Variants in IGHMBP2 observed in about 807,000 individuals in gnomAD.
The protein encoded by IGHMBP2 is DNA-binding protein SMUBP-2.
IGHMBP2 carries 81 observed loss-of-function variants against 96.0 expected under a neutral mutation model. The observed-to-expected ratio is 0.84, with a 90% CI of 0.71 to 1.01. The LOEUF (loss-of-function observed/expected upper bound fraction) is 1.01. IGHMBP2 is among the 50% of genes least tolerant of loss of function. The pLI, the probability that IGHMBP2 is intolerant of heterozygous loss-of-function variation, is 0.00. For missense variants in IGHMBP2, 1,227 were observed against 1,306.3 expected, an observed-to-expected ratio of 0.94 and a Z score of 0.94; for synonymous variants, 557 against 548.9, an observed-to-expected ratio of 1.01 and a Z score of -0.21.
chr11:68,917,360 A>G (rs374840791), intron 6 of IGHMBP2, among the ~76,000 whole-genome samples: 175 of 152,326 alleles, frequency 1.1e-3, no homozygotes, highest in Middle Eastern at 6.8e-3. Flanking sequence ...TGAAAAATGT[A>G]GAATAATATG....
intron 7 of IGHMBP2, among the ~76,000 whole-genome samples, chr11:68,924,152 G>C (rs751312251): frequency 3.3e-5 from 5 of 152,198 alleles, no homozygotes; most frequent in Non-Finnish European, 2.9e-5. Context: ...TGGCTGGGGG[G>C]GTTGTTATTT....
intron 2 of IGHMBP2, among the ~76,000 whole-genome samples, chr11:68,907,176 G>A (rs1351294439): frequency 6.6e-6 from 1 of 152,074 alleles, no homozygotes; most frequent in African/African-American, 2.4e-5. Flanking sequence ...CAGGAGGATC[G>A]CTTGAACCTG....
chr11:68,934,533 C>T lies in IGHMBP2; in HGVS notation c.1607C>T (p.Ala536Val), dbSNP rs779977462. 4 of 1,612,606 alleles carry T rather than the reference C, an allele frequency of 2.5e-6. No homozygotes were observed. The highest frequency in any genetic ancestry group is 3.4e-6 in the Non-Finnish European group (4 of 1,179,254). Residue 536 changes from alanine to valine, a missense_variant, in exon 11 of 15, where the codon GCT (alanine) becomes GTT (valine). Coordinates refer to ENST00000255078, the MANE Select transcript of IGHMBP2 (RefSeq NM_002180.3). ...VDAGVPARDI[A>V]VVSPYNLQVD... Reference sequence around the variant, plus strand: ...GCTGGTGTTCCAGCCCGTGACATTGCTGTGGTCTCGCCATACAACCTCCAG... The same window carrying T: ...GCTGGTGTTCCAGCCCGTGACATTGTTGTGGTCTCGCCATACAACCTCCAG...
chr11:68,911,518 T>C lies in IGHMBP2; in HGVS notation c.626T>C (p.Leu209Pro). 1 of 1,614,070 alleles carries C rather than the reference T, an allele frequency of 6.2e-7. No homozygotes were observed. Among genetic ancestry groups the C allele is most frequent in the Non-Finnish European group, 8.5e-7 (1 of 1,179,916 alleles). Residue 209 changes from leucine (L) to proline (P), a missense_variant, in exon 5 of 15, where the codon CTT (leucine) becomes CCT (proline). By Grantham distance (98) the Leu-to-Pro change is moderately conservative. This residue lies in a region of IGHMBP2 where 507 missense variants were observed against 496.9 expected (regional missense o/e 1.02). Coordinates refer to ENST00000255078, the MANE Select transcript of IGHMBP2 (RefSeq NM_002180.3). ...TTATTTGCGCTGTCTCAGAAAGAAC[T>C]TGCCATCATCCATGGACCTCCTGGC... ...AVLFALSQKE[L>P]AIIHGPPGTG...
intron 11 of IGHMBP2, 40 bp from the exon 12 acceptor site, chr11:68,935,259 A>C (rs756721042): frequency 1.2e-6 from 2 of 1,612,324 alleles, no homozygotes; most frequent in South Asian, 2.2e-5. Flanking sequence ...CTGCGCTGGC[A>C]TGGGTGGGTG....
At chr11:68,935,860 A>G (rs1236601462) in intron 12 of IGHMBP2, among the ~76,000 whole-genome samples, 1 of 152,232 alleles carries the variant, frequency 6.6e-6, no homozygotes, top group Non-Finnish European at 1.5e-5. Context: ...TTTGTGAGAC[A>G]TTCTCAGAAG....
At position 68,929,299 on chromosome 11, in the gene IGHMBP2, A is replaced by G. The variant is rs752049602; in HGVS notation, c.1177A>G (p.Arg393Gly). ...ASCWIPLLKARKCILAGDHKQ... is the reference protein window; with the variant it reads ...ASCWIPLLKAGKCILAGDHKQ... ...CTGCTGGATCCCCCTGCTGAAGGCC[A>G]GAAAGTGCATCCTGGCGGGCGATCA... is the stretch of plus-strand genomic sequence containing the variant. The change falls in exon 8 of 15, where the codon AGA becomes GGA. Residue 393 changes from arginine (R) to glycine (G), a missense_variant. This residue lies in a region of IGHMBP2 where 507 missense variants were observed against 496.9 expected (regional missense o/e 1.02). Coordinates refer to ENST00000255078, the MANE Select transcript of IGHMBP2 (RefSeq NM_002180.3). 3.1e-6 allele frequency: 5 copies of G among 1,613,876 alleles called. No homozygotes were observed. Among genetic ancestry groups the G allele is most frequent in the Admixed American group, 3.3e-5 (2 of 60,026 alleles).
At chr11:68,912,491 T>C (rs532999554) in intron 5 of IGHMBP2, among the ~76,000 whole-genome samples, 1 of 150,710 alleles carries the variant, frequency 6.6e-6, no homozygotes, top group African/African-American at 2.4e-5. Flanking sequence ...GCTTGAGTCA[T>C]TGTGGATCTT....
Position 68,923,446 on chromosome 11 carries a change from G to A in IGHMBP2, c.1060+5563G>A, listed in dbSNP as rs953592735. On this transcript the variant is annotated intron_variant, in intron 7 of 14. Coordinates refer to ENST00000255078, the MANE Select transcript of IGHMBP2 (RefSeq NM_002180.3). ...TCAAACTCCTGACCTCAAGTGATCT[G>A]CCTGCCTCGGCCTCCCAGAGTGCTG... 2.6e-5 allele frequency among the ~76,000 whole-genome samples: 4 copies of A among 152,054 alleles called. No individual in the cohort carries two copies. In the East Asian group the frequency reaches 7.7e-4, roughly 29 times the overall value.
chr11:68,937,008 G>T lies in IGHMBP2; in HGVS notation c.2528G>T (p.Ser843Ile). ...CTGGAGAGACTGCAGAGGGTCAGGA[G>T]CGCGCAGGGGCAGCCCGCCAGCAAG... ...LHLERLQRVRSAQGQPASKEQ... is the reference protein window; with the variant it reads ...LHLERLQRVRIAQGQPASKEQ... Residue 843 changes from serine (S) to isoleucine (I), a missense_variant, in exon 13 of 15, where the codon AGC becomes ATC. This residue lies in a region of IGHMBP2 where 703 missense variants were observed against 770.3 expected (regional missense o/e 0.91). Transcript: ENST00000255078. 6.2e-7 allele frequency: 1 copy of T among 1,608,902 alleles called. No homozygotes were observed. The highest frequency in any genetic ancestry group is 8.5e-7 in the Non-Finnish European group (1 of 1,179,636).
chr11:68,922,296 G>A lies in IGHMBP2; in HGVS notation c.1060+4413G>A, dbSNP rs187967752. Among the ~76,000 whole-genome samples the A allele has an allele frequency of 4.0e-4, 61 of 151,828 alleles. No individual in the cohort carries two copies. The East Asian group carries it at 0.011, about 28-fold the overall frequency. ...TGCACCACTGTACTCCAACCTGGACGACAGAGCCAGACTCCGTCTCAAAAA... is the reference window on the plus strand; with the variant it reads ...TGCACCACTGTACTCCAACCTGGACAACAGAGCCAGACTCCGTCTCAAAAA... On this transcript the variant is annotated intron_variant, in intron 7 of 14. Coordinates refer to ENST00000255078, the MANE Select transcript of IGHMBP2 (RefSeq NM_002180.3).
chr11:68,908,642 C>G lies in IGHMBP2; in HGVS notation c.547+11C>G. On this transcript the variant is annotated intron_variant, in intron 4 of 14. Transcript: ENST00000255078. ...CTGCCAGTGAAATACGTAAGAACTT[C>G]TGAGTTTTCTTTTTTGGTTGAAATC... 1.3e-6 allele frequency: 2 copies of G among 1,588,360 alleles called. No individual in the cohort carries two copies. Among genetic ancestry groups the G allele is most frequent in the Non-Finnish European group, 1.7e-6 (2 of 1,156,756 alleles).
chr11:68,908,313 A>G lies in IGHMBP2; in HGVS notation c.425A>G (p.Asp142Gly). Reference sequence around the variant, plus strand: ...TACAGACTGTTAAAACTTGCCAATGATGTCACTTACAGGCGACTGAAAAAG... The same window carrying G: ...TACAGACTGTTAAAACTTGCCAATGGTGTCACTTACAGGCGACTGAAAAAG... The part of the protein sequence containing the change: ...NSYRLLKLAN[D>G]VTYRRLKKAL... The change falls in exon 3 of 15, where the codon GAT (aspartate) becomes GGT (glycine). Residue 142 changes from aspartate to glycine, a missense_variant. Physicochemically the swap from Asp to Gly is moderately conservative, Grantham distance 94 (BLOSUM62 -1). Coordinates refer to ENST00000255078, the MANE Select transcript of IGHMBP2 (RefSeq NM_002180.3). The G allele has an allele frequency of 6.2e-7, 1 of 1,614,066 alleles. No homozygotes were observed. The highest frequency in any genetic ancestry group is 1.1e-5 in the South Asian group (1 of 91,072).
chr11:68,937,873 C>T (rs1006131599), intron 13 of IGHMBP2: 7 of 405,768 alleles, frequency 1.7e-5, no homozygotes, highest in African/African-American at 8.0e-5. Context: ...CTGTATGCCA[C>T]GCTTTGTGCT....
intron 1 of IGHMBP2, among the ~76,000 whole-genome samples, chr11:68,905,810 T>C (rs1285695478): frequency 6.6e-6 from 1 of 151,986 alleles, no homozygotes; most frequent in East Asian, 1.9e-4. Flanking sequence ...TAGGACTTAG[T>C]GACAGATGGG....
chr11:68,936,491 A>G lies in IGHMBP2; in HGVS notation c.2011A>G (p.Thr671Ala), dbSNP rs622082. The change falls in exon 13 of 15, where the codon ACG (threonine) becomes GCG (alanine). Residue 671 changes from threonine to alanine, a missense_variant. Around this residue, in one of 3 missense-constraint regions of IGHMBP2, gnomAD observed 703 missense variants for 770.3 expected, o/e 0.91. Transcript: ENST00000255078. ...TGCCACCAAGCCCCAGGGACCTGCT[A>G]CGTCCACCAGGACCGGAAGCCAGCG... ...HAATKPQGPA[T>A]STRTGSQRQE... 0.3 allele frequency: 476,672 copies of G among 1,613,488 alleles called. 74,641 individuals are homozygous for G. Among genetic ancestry groups the G allele is most frequent in the South Asian group, 0.46 (41,540 of 91,068 alleles).
chr11:68,910,893 A>G (rs1039992360), intron 4 of IGHMBP2, among the ~76,000 whole-genome samples: 2 of 152,260 alleles, frequency 1.3e-5, no homozygotes, highest in Admixed American at 1.3e-4. Flanking sequence ...AAAAAAAAAA[A>G]AAAAAAGAAG....
chr11:68,935,707 T>C (rs1859500242), intron 12 of IGHMBP2, among the ~76,000 whole-genome samples: 1 of 152,228 alleles, frequency 6.6e-6, no homozygotes, highest in African/African-American at 2.4e-5. Flanking sequence ...TGAAGCCCCC[T>C]GCAGCCCAGA....
At chr11:68,906,404 A>G in intron 2 of IGHMBP2, 166 bp downstream of exon 2, 1 of 777,536 alleles carries the variant, frequency 1.3e-6, no homozygotes, top group Non-Finnish European at 2.1e-6. Context: ...AGTTGTCTAG[A>G]TCAGCGTTGT....
Sources: allele counts gnomAD v4.1 joint callset (sites outside exome capture counted in the v4.1 genomes callset), GRCh38; gene constraint gnomAD v4.1.1; regional missense constraint gnomAD v4.1.1; transcripts MANE v1.5; gene names NCBI Gene and HGNC (gene_info 2026-07-23, HGNC 2026-07-21).